The following ADK variants were observed in gnomAD, a reference collection of about 807,000 sequenced individuals.
The protein encoded by ADK is adenosine kinase.
In ADK, 24 loss-of-function variants were observed where a neutral mutation model predicts 44.7. That is an observed-to-expected ratio of 0.54 (90% CI 0.39 to 0.76). The LOEUF (loss-of-function observed/expected upper bound fraction) is 0.76, where lower values mean the gene tolerates loss of function less well. Ranked by LOEUF, ADK falls within the 30% of genes least tolerant of loss-of-function variation. The pLI is 0.00. For missense variants in ADK, 321 were observed against 425.1 expected (o/e 0.76, Z 2.15); for synonymous variants, 128 against 142.6 (o/e 0.90, Z 0.73).
intron 6 of ADK, among the ~76,000 whole-genome samples, chr10:74,508,974 G>A (rs1244682255): frequency 2.6e-5 from 4 of 151,786 alleles, no homozygotes; most frequent in Non-Finnish European, 5.9e-5. Flanking sequence ...TAAGAAACAA[G>A]GTCTTGCTAT....
At chr10:74,157,487 A>C (rs1384370402) in intron 1 of ADK, among the ~76,000 whole-genome samples, 2 of 152,170 alleles carry the variant, frequency 1.3e-5, no homozygotes, top group Admixed American at 1.3e-4. Flanking sequence ...AATTAAAAAA[A>C]AAATAGGTCA....
In ADK at chr10:74,596,586, C is replaced by T. The variant is rs551883394; in HGVS notation, c.763-3793C>T. On this transcript the variant is annotated intron_variant, in intron 8 of 10. Transcript: ENST00000539909. Reference sequence around the variant, plus strand: ...TTTGAGACAGGGTCTGGCTCTGTTGCCCACGCTGGAGTGCAGTGGCGTGAT... The same window carrying T: ...TTTGAGACAGGGTCTGGCTCTGTTGTCCACGCTGGAGTGCAGTGGCGTGAT... 1.8e-4 allele frequency among the ~76,000 whole-genome samples: 27 copies of T among 151,904 alleles called. No individual in the cohort carries two copies. In the East Asian group the frequency reaches 5.0e-3, roughly 28 times the overall value.
chr10:74,281,892 T>A (rs1214681848), intron 3 of ADK, among the ~76,000 whole-genome samples: 1 of 152,210 alleles, frequency 6.6e-6, no homozygotes, highest in African/African-American at 2.4e-5. Flanking sequence ...GAAAAATTGG[T>A]AATTTTAATC....
intron 6 of ADK, among the ~76,000 whole-genome samples, chr10:74,522,922 T>C (rs1408842603): frequency 6.6e-6 from 1 of 152,082 alleles, no homozygotes; most frequent in Non-Finnish European, 1.5e-5. Context: ...TTTCCAACTT[T>C]CCCTGCCCTT....
intron 6 of ADK, among the ~76,000 whole-genome samples, chr10:74,406,891 G>A (rs967379800): frequency 2.0e-5 from 3 of 151,730 alleles, no homozygotes; most frequent in Non-Finnish European, 4.4e-5. Context: ...ATATTGTTTC[G>A]GCTGGTCCTG....
At chr10:74,572,304 T>C (rs1409724790) in intron 7 of ADK, among the ~76,000 whole-genome samples, 1 of 152,272 alleles carries the variant, frequency 6.6e-6, no homozygotes, top group African/African-American at 2.4e-5. Flanking sequence ...TTGAAAATTC[T>C]TTTCTTTAAG....
intron 10 of ADK, among the ~76,000 whole-genome samples, chr10:74,671,580 C>A (rs1855188388): frequency 6.6e-6 from 1 of 152,062 alleles, no homozygotes; most frequent in Non-Finnish European, 1.5e-5. Context: ...TACTTAGCAG[C>A]CAATTTTCCT....
chr10:74,269,692 C>T (rs1169427989), intron 3 of ADK, among the ~76,000 whole-genome samples: 1 of 152,056 alleles, frequency 6.6e-6, no homozygotes, highest in East Asian at 1.9e-4. Flanking sequence ...CTTTGGGAGG[C>T]CAAGGCAGGC....
At chr10:74,696,026 T>A (rs1313630403) in intron 10 of ADK, among the ~76,000 whole-genome samples, 1 of 152,128 alleles carries the variant, frequency 6.6e-6, no homozygotes, top group Non-Finnish European at 1.5e-5. Flanking sequence ...TTTTTTATTT[T>A]ATTTTATTTT....
At chr10:74,695,657 T>A (rs927360964) in intron 10 of ADK, among the ~76,000 whole-genome samples, 17 of 148,134 alleles carry the variant, frequency 1.1e-4, no homozygotes, top group African/African-American at 3.8e-4. Context: ...TGTGTGTGTG[T>A]GAAGATCTCG....
chr10:74,481,588 G>A (rs531540225), intron 6 of ADK, among the ~76,000 whole-genome samples: 12 of 152,134 alleles, frequency 7.9e-5, no homozygotes, highest in African/African-American at 2.2e-4. Context: ...CTGCTTAATA[G>A]GGATAATTGC....
intron 6 of ADK, among the ~76,000 whole-genome samples, chr10:74,521,195 A>G (rs1053362710): frequency 6.6e-6 from 1 of 152,150 alleles, no homozygotes; most frequent in Non-Finnish European, 1.5e-5. Context: ...ATAAACCCCA[A>G]ATTGTTTAAA....
At chr10:74,300,538 A>G in intron 3 of ADK, among the ~76,000 whole-genome samples, 1 of 151,854 alleles carries the variant, frequency 6.6e-6, no homozygotes, top group Non-Finnish European at 1.5e-5. Context: ...CACCATGCCC[A>G]GCTAAGCTTT....
At chr10:74,272,162 A>G (rs1200500954) in intron 3 of ADK, among the ~76,000 whole-genome samples, 3 of 152,160 alleles carry the variant, frequency 2.0e-5, no homozygotes, top group African/African-American at 7.2e-5. Context: ...TTTTCCTTGT[A>G]AGGGATGTGA....
At chr10:74,159,259 T>G (rs1841830675) in intron 1 of ADK, among the ~76,000 whole-genome samples, 2 of 152,236 alleles carry the variant, frequency 1.3e-5, no homozygotes, top group Admixed American at 6.5e-5. Context: ...AGAAGATATA[T>G]ATGTATAGCA....
At chr10:74,339,275 G>C (rs960736858) in intron 4 of ADK, among the ~76,000 whole-genome samples, 2 of 151,902 alleles carry the variant, frequency 1.3e-5, no homozygotes, top group African/African-American at 4.8e-5. Context: ...TCCTTTTTTA[G>C]CCTCTTCACA....
At chr10:74,229,094 T>TGTCAGAATAACCTA (rs1844652449) in intron 3 of ADK, among the ~76,000 whole-genome samples, 1 of 152,228 alleles carries the variant, frequency 6.6e-6, no homozygotes, top group South Asian at 2.1e-4. Flanking sequence ...TAAATTATTT[T>TGTCAGAATAACCTA]GTCAGAATAA....
rs570336735 is a variant in ADK at position 74,350,158 on chromosome 10, A to G, written c.273+35413A>G. ...GCACTTATTCTCAAATCAACCACATAATTCAAAGTAAAACACTCCTCAGCA... is the reference window on the plus strand; with the variant it reads ...GCACTTATTCTCAAATCAACCACATGATTCAAAGTAAAACACTCCTCAGCA... On this transcript the variant is annotated intron_variant, in intron 4 of 10. Coordinates refer to ENST00000539909, the MANE Select transcript of ADK (RefSeq NM_006721.4). 5.3e-4 allele frequency among the ~76,000 whole-genome samples: 81 copies of G among 152,318 alleles called. No homozygotes were observed. In the East Asian group the frequency reaches 7.7e-3, roughly 14 times the overall value.
Position 74,610,332 on chromosome 10 carries a change from T to C in ADK, c.877+9839T>C, listed in dbSNP as rs980159682. ...AAGCCAGTCACAATGGGATAATTACTGTGTGATTCCATTTATGTGACATAC... is the reference window on the plus strand; with the variant it reads ...AAGCCAGTCACAATGGGATAATTACCGTGTGATTCCATTTATGTGACATAC... On this transcript the variant is annotated intron_variant, in intron 9 of 10. Coordinates refer to ENST00000539909, the MANE Select transcript of ADK (RefSeq NM_006721.4). Among the ~76,000 whole-genome samples, 25 of 152,172 alleles carry C rather than the reference T, an allele frequency of 1.6e-4. 1 individual carries two copies. Among genetic ancestry groups the C allele is most frequent in the East Asian group, 1.2e-3 (6 of 5,204 alleles).
Sources: allele counts gnomAD v4.1 joint callset (sites outside exome capture counted in the v4.1 genomes callset), GRCh38; gene constraint gnomAD v4.1.1; transcripts MANE v1.5; gene names NCBI Gene and HGNC (gene_info 2026-07-23, HGNC 2026-07-21).